C1orf159: variants seen among roughly 807,000 people sequenced by gnomAD.
The protein encoded by C1orf159 is chromosome 1 open reading frame 159, also known as uncharacterized protein C1orf159.
Under a neutral mutation model 25.6 loss-of-function variants are expected in C1orf159, and 19 were observed. That is an observed-to-expected ratio of 0.74 (90% CI 0.52 to 1.09). The LOEUF is 1.09. Ranked by LOEUF, C1orf159 falls within the 50% of genes least tolerant of loss-of-function variation. The pLI, the probability that C1orf159 is intolerant of heterozygous loss-of-function variation, is 0.00. For missense variants in C1orf159, 274 were observed against 290.6 expected, an observed-to-expected ratio of 0.94 and a Z score of 0.42; for synonymous variants, 139 against 124.7, an observed-to-expected ratio of 1.12 and a Z score of -0.77.
In C1orf159 at chr1:1,091,504, C is replaced by G; in HGVS notation, c.40G>C (p.Val14Leu). The G allele has an allele frequency of 6.5e-7, 1 of 1,550,228 alleles. No individual in the cohort carries two copies. The highest frequency in any genetic ancestry group is 8.7e-7 in the Non-Finnish European group (1 of 1,146,890). The change falls in exon 3 of 10, where the codon GTG becomes CTG. Residue 14 changes from valine to leucine, a missense_variant. Coordinates refer to ENST00000421241, the MANE Select transcript of C1orf159 (RefSeq NM_017891.5). ...TCCATGGACTTGCTGGCGACTCCCA[C>G]GAGAAGGCCAGCCAGGAGGGCGAGG... ...RHLALLAGLL[V>L]GVASKSMENT...
chr1:1,090,340 C>G lies in C1orf159; in HGVS notation c.148+13G>C. Reference sequence around the variant, plus strand: ...GGGCCGGTCTGGAATCTGCTTGGGACAAAGCGGCTTACCTGGACCACACAG... The same window carrying G: ...GGGCCGGTCTGGAATCTGCTTGGGAGAAAGCGGCTTACCTGGACCACACAG... On this transcript the variant is annotated intron_variant, in intron 4 of 9. Transcript: ENST00000421241. 6.4e-7 allele frequency: 1 copy of G among 1,550,488 alleles called. No individual in the cohort carries two copies. The highest frequency in any genetic ancestry group is 8.7e-7 in the Non-Finnish European group (1 of 1,146,912).
At chr1:1,114,904 A>G (rs1646312781) in intron 1 of C1orf159, 2 of 152,102 alleles carry the variant, frequency 1.3e-5, no homozygotes, top group African/African-American at 4.8e-5. Context: ...AAAAGCTACA[A>G]ATAGGGTGCA....
intron 3 of C1orf159, chr1:1,090,710 C>T (rs1645916378): frequency 1.1e-5 from 8 of 749,580 alleles, no homozygotes; most frequent in African/African-American, 1.7e-5. Flanking sequence ...CACCCGCAGG[C>T]CATGGCAGCG....
intron 2 of C1orf159, 136 bp from the exon 3 acceptor site, chr1:1,091,701 A>T: frequency 1.6e-5 from 5 of 317,274 alleles, no homozygotes; most frequent in African/African-American, 3.0e-5. Flanking sequence ...CCAAATGGAG[A>T]TGGGTGGGGC....
In C1orf159 at chr1:1,084,465, G is replaced by A. The variant is rs751988945; in HGVS notation, c.471+16C>T. ...GCGGCCAGGGACGCTCAGCCCGGAT[G>A]ATGTGGGTTACTTACGGCTTCGCCA... On this transcript the variant is annotated intron_variant, in intron 8 of 9. Transcript: ENST00000421241. 2 of 1,568,164 alleles carry A rather than the reference G, an allele frequency of 1.3e-6. No homozygotes were observed. The highest frequency in any genetic ancestry group is 2.3e-5 in the South Asian group (2 of 85,806).
At chr1:1,112,004 C>G (rs1439403584) in intron 1 of C1orf159, among the ~76,000 whole-genome samples, 1 of 152,238 alleles carries the variant, frequency 6.6e-6, no homozygotes, top group Non-Finnish European at 1.5e-5. Flanking sequence ...TCGCTGCCCA[C>G]CTACCCGTGG....
chr1:1,091,457 G>A lies in C1orf159; in HGVS notation c.72+15C>T. On this transcript the variant is annotated intron_variant, in intron 3 of 9. Coordinates refer to ENST00000421241, the MANE Select transcript of C1orf159 (RefSeq NM_017891.5). ...TCTGGCTTAGGCCGCGTGGACACGT[G>A]AGGGGGGCACCTACCGTGTTCTCCA... 2.6e-6 allele frequency: 4 copies of A among 1,549,570 alleles called. No homozygotes were observed. The highest frequency in any genetic ancestry group is 1.4e-5 in the African/African-American group (1 of 73,146).
intron 1 of C1orf159, among the ~76,000 whole-genome samples, chr1:1,101,924 T>G (rs1040998835): frequency 7.9e-5 from 12 of 151,224 alleles, no homozygotes; most frequent in African/African-American, 2.4e-4. Flanking sequence ...ATACAAAAAT[T>G]AATCGGGCAT....
chr1:1,085,047 G>C (rs1645807576), intron 7 of C1orf159, among the ~76,000 whole-genome samples: 1 of 152,166 alleles, frequency 6.6e-6, no homozygotes, highest in Non-Finnish European at 1.5e-5. Context: ...GGTGCCCATA[G>C]GCAGAGATGC....
chr1:1,113,433 A>G (rs1646288826), intron 1 of C1orf159, among the ~76,000 whole-genome samples: 1 of 152,162 alleles, frequency 6.6e-6, no homozygotes, highest in African/African-American at 2.4e-5. Context: ...TTCTTTGTGA[A>G]ACAGGCTGGA....
At chr1:1,104,403 T>C (rs982566441) in intron 1 of C1orf159, among the ~76,000 whole-genome samples, 1 of 152,208 alleles carries the variant, frequency 6.6e-6, no homozygotes, top group Non-Finnish European at 1.5e-5. Flanking sequence ...TTCCTCCAAG[T>C]CAAAACTTCC....
chr1:1,088,203 C>G (rs1178134486), intron 4 of C1orf159, among the ~76,000 whole-genome samples: 1 of 100,468 alleles, frequency 1.0e-5, no homozygotes, highest in East Asian at 4.0e-4. Flanking sequence ...CCCCAGGACC[C>G]CCCCCCCATG....
intron 1 of C1orf159, among the ~76,000 whole-genome samples, chr1:1,104,283 G>T (rs997670078): frequency 3.3e-5 from 5 of 152,186 alleles, no homozygotes; most frequent in Non-Finnish European, 5.9e-5. Context: ...CACTGCACCC[G>T]GCCCAGACAG....
At chr1:1,085,500 G>T (rs536341360) in intron 7 of C1orf159, among the ~76,000 whole-genome samples, 1 of 151,240 alleles carries the variant, frequency 6.6e-6, no homozygotes, top group African/African-American at 2.4e-5. Flanking sequence ...CCCAGGAGAG[G>T]GGAGGGGGGA....
At chr1:1,107,376 G>A (rs1159517253) in intron 1 of C1orf159, among the ~76,000 whole-genome samples, 1 of 152,224 alleles carries the variant, frequency 6.6e-6, no homozygotes, top group African/African-American at 2.4e-5. Flanking sequence ...GAACCTTTAT[G>A]TCTAGCTACA....
At chr1:1,101,037 C>T (rs995142311) in intron 1 of C1orf159, among the ~76,000 whole-genome samples, 1 of 152,216 alleles carries the variant, frequency 6.6e-6, no homozygotes, top group African/African-American at 2.4e-5. Context: ...ATACTATCTT[C>T]AGCATTTCCG....
chr1:1,095,968 G>A (rs943837643), intron 1 of C1orf159, among the ~76,000 whole-genome samples: 5 of 152,138 alleles, frequency 3.3e-5, no homozygotes, highest in South Asian at 2.1e-4. Context: ...ATATGGTGAC[G>A]ACAAAGATTC....
At chr1:1,114,157 CG>C (rs1174239028) in intron 1 of C1orf159, among the ~76,000 whole-genome samples, 2 of 151,828 alleles carry the variant, frequency 1.3e-5, no homozygotes, top group Non-Finnish European at 1.5e-5. Flanking sequence ...CCTTCTGATC[CG>C]CCCCCCTCCC....
chr1:1,103,762 CCT>C (rs1343552674), intron 1 of C1orf159, among the ~76,000 whole-genome samples: 4 of 152,154 alleles, frequency 2.6e-5, no homozygotes, highest in Non-Finnish European at 5.9e-5. Context: ...ACACATTCTC[CCT>C]CTGTCGCCCA....
Sources: gnomAD v4.1 joint callset for allele counts (sites outside exome capture counted in the v4.1 genomes callset) on GRCh38, gnomAD v4.1.1 for gene constraint, MANE v1.5 for transcripts, NCBI Gene and HGNC (gene_info 2026-07-23, HGNC 2026-07-21) for gene names.